Variants in HUWE1 observed in about 807,000 individuals in gnomAD.
The protein encoded by HUWE1 is HECT, UBA and WWE domain containing E3 ubiquitin protein ligase 1.
In HUWE1, 18 loss-of-function variants were observed where a neutral mutation model predicts 299.4. The observed-to-expected ratio is 0.06, with a 90% CI of 0.04 to 0.09. HUWE1 has a LOEUF of 0.09. Ranked by LOEUF, HUWE1 falls within the 10% of genes least tolerant of loss-of-function variation. HUWE1 has a pLI of 1.00. For missense variants in HUWE1, 1,832 were observed against 3,462.3 expected (o/e 0.53, Z 11.82); for synonymous variants, 1,317 against 1,286.1 (o/e 1.02, Z -0.51).
chrX:53,576,800 A>T, intron 44 of HUWE1, 100 bp downstream of exon 44: 1 of 811,453 alleles, frequency 1.2e-6, no homozygotes, highest in Non-Finnish European at 1.9e-6. Context: ...GAGTATGGGC[A>T]CATAGTGAGT....
At position 53,614,473 on chromosome X, in the gene HUWE1, T is replaced by C. The variant is rs1299495684; in HGVS notation, c.2261+61A>G. The C allele has an allele frequency of 1.7e-5, 14 of 821,177 alleles. No individual in the cohort carries two copies. The East Asian group carries it at 3.4e-4, about 20-fold the overall frequency. 67.7% of individuals were successfully genotyped at this position (821,177 alleles called of 1,213,427 possible). A position where few individuals can be genotyped will look rare whatever the true frequency, so the allele number is the denominator to read the frequency against. On this transcript the variant is annotated intron_variant, in intron 23 of 83. Transcript: ENST00000262854. Reference sequence around the variant, plus strand: ...ATAGATGAAAGTGTTCATTAAGACTTAGAGAGGTGATAACATGCCCACGAT... The same window carrying C: ...ATAGATGAAAGTGTTCATTAAGACTCAGAGAGGTGATAACATGCCCACGAT...
intron 2 of HUWE1, among the ~76,000 whole-genome samples, chrX:53,682,823 C>T (rs1035595142): frequency 2.7e-5 from 3 of 111,235 alleles, no homozygotes; most frequent in African/African-American, 9.8e-5. Context: ...AGACAGAAAG[C>T]GGGTTTACTG....
intron 30 of HUWE1, 21 bp from the exon 31 acceptor site, chrX:53,594,642 A>G: frequency 8.3e-7 from 1 of 1,206,397 alleles, no homozygotes; most frequent in South Asian, 1.8e-5. Flanking sequence ...AAAAAAAGGC[A>G]AAACTTTAAC....
At chrX:53,534,901 C>T (rs2269599) in intron 81 of HUWE1, among the ~76,000 whole-genome samples, 2 of 109,379 alleles carry the variant, frequency 1.8e-5, no homozygotes, top group East Asian at 5.8e-4. Context: ...GCTAGGATTA[C>T]AAATGTGAGC....
intron 7 of HUWE1, among the ~76,000 whole-genome samples, chrX:53,641,723 C>A (rs184699710): frequency 8.9e-6 from 1 of 111,876 alleles, no homozygotes; most frequent in East Asian, 2.8e-4. Context: ...GTATCAATCA[C>A]TTTTTAAACA....
At chrX:53,564,852 G>A in intron 50 of HUWE1, 130 bp from the exon 51 acceptor site, 1 of 927,391 alleles carries the variant, frequency 1.1e-6, no homozygotes, top group Non-Finnish European at 1.5e-6. Context: ...AAACGAATGG[G>A]TGACAAAGGA....
intron 3 of HUWE1, among the ~76,000 whole-genome samples, chrX:53,674,297 A>G (rs1260695680): frequency 8.1e-5 from 9 of 111,661 alleles, no homozygotes; most frequent in African/African-American, 2.6e-4. Context: ...GTGACTAAAC[A>G]TTGTGGTGGA....
chrX:53,575,076 C>T, intron 46 of HUWE1, 79 bp downstream of exon 46: 1 of 718,847 alleles, frequency 1.4e-6, no homozygotes, highest in South Asian at 2.3e-5. Context: ...CTCCTACCCC[C>T]TGCACAGGAC....
At chrX:53,634,162 T>C (rs2067052058) in intron 8 of HUWE1, 74 bp downstream of exon 8, 2 of 820,848 alleles carry the variant, frequency 2.4e-6, no homozygotes, top group Non-Finnish European at 3.7e-6. Context: ...TATACCACAA[T>C]TCATTGTAAA....
intron 7 of HUWE1, among the ~76,000 whole-genome samples, chrX:53,639,788 T>TA (rs11414033): frequency 0.18 from 20,082 of 111,647 alleles, 4,262 homozygotes; most frequent in African/African-American, 0.61. Flanking sequence ...GACATCCATC[T>TA]ACAAATGACA....
chrX:53,558,263 C>T (rs782810510), intron 59 of HUWE1, among the ~76,000 whole-genome samples: 2 of 111,532 alleles, frequency 1.8e-5, no homozygotes, highest in Non-Finnish European at 3.8e-5. Flanking sequence ...ACTCAAATGA[C>T]GGAATGGGGT....
At chrX:53,677,751 G>A (rs146317057) in intron 3 of HUWE1, among the ~76,000 whole-genome samples, 1 of 111,116 alleles carries the variant, frequency 9.0e-6, no homozygotes, top group East Asian at 2.8e-4. Flanking sequence ...ATATACCCAC[G>A]CACTTCTGGG....
intron 39 of HUWE1, among the ~76,000 whole-genome samples, chrX:53,585,911 A>G (rs2063834659): frequency 9.1e-6 from 1 of 110,180 alleles, no homozygotes; most frequent in African/African-American, 3.3e-5. Flanking sequence ...CTGGTCTTGA[A>G]CTCCTGAACT....
rs200109682 is a variant in HUWE1 at position 53,617,458 on chromosome X, T to G, written c.1673-12A>C. 333 of 1,035,004 alleles carry G rather than the reference T, an allele frequency of 3.2e-4. No individual in the cohort carries two copies. In the Middle Eastern group the frequency reaches 9.2e-3, roughly 29 times the overall value. The allele number at this position is 1,035,004 out of a possible 1,213,427, so 85.3% of individuals were successfully genotyped here. A position where few individuals can be genotyped will look rare whatever the true frequency, so the allele number is the denominator to read the frequency against. Reference sequence around the variant, plus strand: ...CACCACTTCAGTAGCTAAAAAAAGATGAGAAAATATGGAAAACTGAGAGAT... The same window carrying G: ...CACCACTTCAGTAGCTAAAAAAAGAGGAGAAAATATGGAAAACTGAGAGAT... On this transcript the variant is annotated splice_polypyrimidine_tract_variant and intron_variant, in intron 19 of 83. Transcript: ENST00000262854.
chrX:53,684,073 C>T (rs2070343328), intron 2 of HUWE1: 5 of 277,022 alleles, frequency 1.8e-5, no homozygotes, highest in African/African-American at 2.7e-5. Context: ...TTTCCAGACC[C>T]CTCCTCCCTC....
intron 22 of HUWE1, 28 bp downstream of exon 22, chrX:53,615,716 T>C (rs782017519): frequency 1.8e-6 from 2 of 1,126,318 alleles, no homozygotes; most frequent in Admixed American, 4.4e-5. Context: ...TCTCTCATGC[T>C]CATGGTCACA....
intron 43 of HUWE1, among the ~76,000 whole-genome samples, chrX:53,577,733 G>A (rs1371499292): frequency 1.9e-4 from 22 of 113,063 alleles, no homozygotes; most frequent in Non-Finnish European, 3.6e-4. Flanking sequence ...TGTGTTGGCC[G>A]GGCTGGTCTC....
At chrX:53,618,583 T>C (rs1012923295) in intron 19 of HUWE1, among the ~76,000 whole-genome samples, 11 of 106,365 alleles carry the variant, frequency 1.0e-4, no homozygotes, top group East Asian at 5.8e-4. Flanking sequence ...TTTTTTTTTT[T>C]AGACGGAGTC....
intron 3 of HUWE1, among the ~76,000 whole-genome samples, chrX:53,660,764 T>C (rs1238865822): frequency 9.0e-6 from 1 of 111,419 alleles, no homozygotes; most frequent in Admixed American, 9.5e-5. Flanking sequence ...AGGAGGCTTA[T>C]TAGCACACAG....
Sources: gnomAD v4.1 joint callset for allele counts (sites outside exome capture counted in the v4.1 genomes callset) on GRCh38, gnomAD v4.1.1 for gene constraint, MANE v1.5 for transcripts, NCBI Gene and HGNC (gene_info 2026-07-23, HGNC 2026-07-21) for gene names.